TAF5L: variants seen among roughly 807,000 people sequenced by gnomAD.
TAF5L encodes TATA-box binding protein associated factor 5 like.
TAF5L carries 7 observed loss-of-function variants against 51.3 expected under a neutral mutation model. The observed-to-expected ratio is 0.14, with a 90% CI of 0.08 to 0.26. The LOEUF (loss-of-function observed/expected upper bound fraction) is 0.26. Among genes scored for constraint, TAF5L ranks in the 10% least tolerant of loss-of-function variants. The pLI, the probability that TAF5L is intolerant of heterozygous loss-of-function variation, is 1.00. For synonymous variants in TAF5L, 291 were observed against 308.1 expected (o/e 0.94, Z 0.58); for missense variants, 575 against 758.9 (o/e 0.76, Z 2.85).
chr1:229,606,397 T>C lies in TAF5L; in HGVS notation c.248-3478A>G, dbSNP rs1418003615. On this transcript the variant is annotated intron_variant, in intron 3 of 4. Coordinates refer to ENST00000258281, the Ensembl canonical transcript of TAF5L. ...CTTTTTCTTCCTTCTATCTACCCAC[T>C]GAAATGTAATGAATGCCTACCTGGT... 1.8e-5 allele frequency: 18 copies of C among 980,724 alleles called. 1 individual carries two copies. In the African/African-American group the frequency reaches 1.9e-4, roughly 10 times the overall value. 60.8% of individuals were successfully genotyped at this position (980,724 alleles called of 1,614,324 possible). A position where few individuals can be genotyped will look rare whatever the true frequency, so the allele number is the denominator to read the frequency against.
chr1:229,615,488 G>A (rs1222807000), intron 1 of TAF5L, among the ~76,000 whole-genome samples: 4 of 152,188 alleles, frequency 2.6e-5, no homozygotes, highest in East Asian at 3.9e-4. Context: ...ATGTATATGT[G>A]TTAGCATATG....
chr1:229,622,411 C>G (rs529854110), intron 1 of TAF5L, among the ~76,000 whole-genome samples: 64 of 152,166 alleles, frequency 4.2e-4, no homozygotes, highest in Non-Finnish European at 7.2e-4. Context: ...CAAGCATATA[C>G]AATACATACT....
chr1:229,600,165 G>C (rs184480788), intron 4 of TAF5L: 11 of 985,188 alleles, frequency 1.1e-5, no homozygotes, highest in Non-Finnish European at 1.3e-5. Context: ...ACCAACTATC[G>C]TAACTAATTT....
At chr1:229,624,994 A>G (rs1189938828) in intron 1 of TAF5L, among the ~76,000 whole-genome samples, 3 of 152,188 alleles carry the variant, frequency 2.0e-5, no homozygotes, top group Non-Finnish European at 4.4e-5. Flanking sequence ...CCGAGATTCC[A>G]ATCTGCAAGG....
intron 3 of TAF5L, among the ~76,000 whole-genome samples, chr1:229,603,238 G>C (rs1241810699): frequency 6.6e-6 from 1 of 152,206 alleles, no homozygotes; most frequent in African/African-American, 2.4e-5. Context: ...TCAAGATTTA[G>C]TATTTTTTCC....
chr1:229,603,896 AAGG>A (rs1664484034), intron 3 of TAF5L, among the ~76,000 whole-genome samples: 1 of 152,220 alleles, frequency 6.6e-6, no homozygotes, highest in Non-Finnish European at 1.5e-5. Flanking sequence ...GAAGCCCCCC[AAGG>A]AGCTGAGACC....
chr1:229,615,383 G>T (rs1380979791), intron 1 of TAF5L, among the ~76,000 whole-genome samples: 1 of 152,112 alleles, frequency 6.6e-6, no homozygotes, highest in Non-Finnish European at 1.5e-5. Context: ...CACCGCGCCT[G>T]GCCGTGTTTT....
At chr1:229,597,271 A>C (rs1419751028) in intron 4 of TAF5L, among the ~76,000 whole-genome samples, 3 of 152,236 alleles carry the variant, frequency 2.0e-5, no homozygotes, top group Non-Finnish European at 4.4e-5. Flanking sequence ...TTGGAACAAG[A>C]AGCTATGGAA....
At chr1:229,615,126 C>T (rs529898937) in intron 1 of TAF5L, among the ~76,000 whole-genome samples, 7 of 152,246 alleles carry the variant, frequency 4.6e-5, no homozygotes, top group South Asian at 4.2e-4. Context: ...CTCGCTCTGT[C>T]GCCCAGGCTG....
intron 4 of TAF5L, chr1:229,601,108 C>T (rs1664355118): frequency 3.0e-6 from 3 of 984,958 alleles, no homozygotes; most frequent in South Asian, 4.7e-5. Context: ...GGAATCTAGA[C>T]TCTTCACTCA....
rs768273781 is a variant in TAF5L, at chr1:229,602,252, C to T, written c.915G>A (p.Glu305=). ...TGCGGGACACGTCTACTTGGTGGGG[C>T]TCTGATTTTAACTTCTTGGATCGTA... Residue 305 remains glutamate, a synonymous_variant, in exon 4 of 5, where the codon GAG becomes GAA. Coordinates refer to ENST00000258281, the Ensembl canonical transcript of TAF5L. The surrounding 1 kb of genome is among the most constrained non-coding windows in gnomAD (Gnocchi z 4.6). 3 of 1,614,152 alleles carry T rather than the reference C, an allele frequency of 1.9e-6. No individual in the cohort carries two copies. The highest frequency in any genetic ancestry group is 1.1e-5 in the South Asian group (1 of 91,082).
chr1:229,605,858 C>A (rs1381528980), intron 3 of TAF5L, among the ~76,000 whole-genome samples: 1 of 152,218 alleles, frequency 6.6e-6, no homozygotes, highest in Non-Finnish European at 1.5e-5. Flanking sequence ...ATGTGCCAAG[C>A]CTCCACAATT....
At chr1:229,624,184 T>TA (rs1402424704) in intron 1 of TAF5L, among the ~76,000 whole-genome samples, 1 of 152,252 alleles carries the variant, frequency 6.6e-6, no homozygotes, top group Non-Finnish European at 1.5e-5. Context: ...ACTGAGTAGT[T>TA]AAGTGAGGCC....
chr1:229,617,337 C>G (rs1175104308), intron 1 of TAF5L, among the ~76,000 whole-genome samples: 1 of 152,200 alleles, frequency 6.6e-6, no homozygotes, highest in Non-Finnish European at 1.5e-5. Context: ...CCGTGTGGCC[C>G]AAAGTCAAGA....
At chr1:229,604,710 G>A (rs6671792) in intron 3 of TAF5L, among the ~76,000 whole-genome samples, 1 of 152,208 alleles carries the variant, frequency 6.6e-6, no homozygotes, top group Admixed American at 6.5e-5. Flanking sequence ...GGTAAACCAC[G>A]ATCAGCTTGC....
At chr1:229,616,755 C>G (rs72751759) in intron 1 of TAF5L, among the ~76,000 whole-genome samples, 3 of 152,070 alleles carry the variant, frequency 2.0e-5, no homozygotes, top group Non-Finnish European at 4.4e-5. Context: ...ACTGTGAAGG[C>G]TAGAGACATA....
At chr1:229,612,035 C>T (rs557206979) in intron 2 of TAF5L, among the ~76,000 whole-genome samples, 32 of 152,202 alleles carry the variant, frequency 2.1e-4, no homozygotes, top group Non-Finnish European at 3.8e-4. Context: ...ACTGACTTAC[C>T]TGCCTCACTT....
chr1:229,611,641 T>C (rs1664795167), intron 2 of TAF5L, among the ~76,000 whole-genome samples: 1 of 152,134 alleles, frequency 6.6e-6, no homozygotes, highest in African/African-American at 2.4e-5. Flanking sequence ...TACAGATTCC[T>C]AAAATATATC....
exon 2 of TAF5L, chr1:229,614,396 C>T: frequency 5.0e-6 from 8 of 1,614,224 alleles, no homozygotes; most frequent in Non-Finnish European, 6.8e-6. Context: ...GTCCTTGCTT[C>T]AGGGGACCAT....
Sources: gnomAD v4.1 joint callset for allele counts (sites outside exome capture counted in the v4.1 genomes callset) on GRCh38, gnomAD v4.1.1 for gene constraint, Gnocchi (gnomAD v3.1) non-coding constraint, MANE v1.5 for transcripts, NCBI Gene and HGNC (gene_info 2026-07-23, HGNC 2026-07-21) for gene names.